The following SAFB2 variants were observed in gnomAD, a reference collection of about 807,000 sequenced individuals.
The protein encoded by SAFB2 is scaffold attachment factor B2.
In SAFB2, 32 loss-of-function variants were observed where a neutral mutation model predicts 100.6. The observed-to-expected ratio is 0.32, with a 90% CI of 0.24 to 0.43. The LOEUF is 0.43. SAFB2 is among the 20% of genes least tolerant of loss of function. The pLI, the probability that SAFB2 is intolerant of heterozygous loss-of-function variation, is 1.00. For synonymous variants in SAFB2, 500 were observed against 439.4 expected, an observed-to-expected ratio of 1.14 and a Z score of -1.72; for missense variants, 1,185 against 1,163.4, an observed-to-expected ratio of 1.02 and a Z score of -0.27.
intron 12 of SAFB2, 135 bp from the exon 13 acceptor site, chr19:5,599,019 C>G (rs2052595870): frequency 1.4e-6 from 1 of 721,254 alleles, no homozygotes; most frequent in South Asian, 1.6e-5. Context: ...CCTTGGGAGC[C>G]TCTAATTCTC....
rs916014736 is a variant in SAFB2, at chr19:5,621,363, T to G, written c.220A>C (p.Ile74Leu). The part of the protein sequence containing the change: ...VKEEGQDPDE[I>L]GIELEATSKK... ...CTGGTGGCTTCTAACTCGATGCCAA[T>G]TTCATCAGGATCTTGCCCCTCTTCT... The change falls in exon 2 of 21, where the codon ATT (isoleucine) becomes CTT (leucine). Residue 74 changes from isoleucine (I) to leucine (L), a missense_variant. Transcript: ENST00000252542. The G allele has an allele frequency of 1.2e-6, 2 of 1,613,846 alleles. No homozygotes were observed. The highest frequency in any genetic ancestry group is 3.3e-5 in the Admixed American group (2 of 60,028).
At chr19:5,606,571 G>A (rs1170670172) in intron 9 of SAFB2, among the ~76,000 whole-genome samples, 4 of 152,146 alleles carry the variant, frequency 2.6e-5, no homozygotes, top group African/African-American at 4.8e-5. Flanking sequence ...AGGCTGCAGT[G>A]AGCACCACTG....
At chr19:5,606,346 C>A (rs2052774640) in intron 9 of SAFB2, among the ~76,000 whole-genome samples, 1 of 152,242 alleles carries the variant, frequency 6.6e-6, no homozygotes, top group African/African-American at 2.4e-5. Flanking sequence ...CAGGCACAGG[C>A]TGGGCACAGT....
At chr19:5,592,520 G>C (rs2052432121) in intron 16 of SAFB2, among the ~76,000 whole-genome samples, 1 of 152,212 alleles carries the variant, frequency 6.6e-6, no homozygotes, top group African/African-American at 2.4e-5. Context: ...CCTATGAAAA[G>C]AGTCGGTGGA....
intron 13 of SAFB2, among the ~76,000 whole-genome samples, chr19:5,596,359 T>G (rs1170932909): frequency 6.6e-6 from 1 of 152,214 alleles, no homozygotes; most frequent in Non-Finnish European, 1.5e-5. Flanking sequence ...ATTTATTTTT[T>G]GTAGGTTTTT....
In SAFB2 at chr19:5,622,730, C is replaced by T. The variant is rs747267882; in HGVS notation, c.-15G>A. On this transcript the variant is annotated 5_prime_UTR_variant, in exon 1 of 21. Coordinates refer to ENST00000252542, the MANE Select transcript of SAFB2 (RefSeq NM_014649.3). ...GTCTCCGCCATCGTCGCGTTCCCGTCTTCGCCACCGACTCAGTCGCACACC... is the reference window on the plus strand; with the variant it reads ...GTCTCCGCCATCGTCGCGTTCCCGTTTTCGCCACCGACTCAGTCGCACACC... 33 of 1,592,586 alleles carry T rather than the reference C, an allele frequency of 2.1e-5. No individual in the cohort carries two copies. Among genetic ancestry groups the T allele is most frequent in the East Asian group, 1.1e-4 (5 of 44,090 alleles).
intron 9 of SAFB2, 67 bp downstream of exon 9, chr19:5,609,928 G>C: frequency 7.3e-7 from 1 of 1,369,242 alleles, no homozygotes; most frequent in Non-Finnish European, 1.0e-6. Context: ...GTGAACCACC[G>C]TGCCCAGCAG....
At chr19:5,605,525 C>T (rs114045371) in intron 9 of SAFB2, among the ~76,000 whole-genome samples, 2 of 152,300 alleles carry the variant, frequency 1.3e-5, no homozygotes, top group East Asian at 1.9e-4. Flanking sequence ...CCTACCCATC[C>T]ACATTGTTTT....
intron 6 of SAFB2, chr19:5,612,028 A>C: frequency 2.8e-6 from 1 of 359,044 alleles, no homozygotes; most frequent in South Asian, 2.5e-5. Context: ...TAACAGAACA[A>C]TCCAATATGA....
At chr19:5,590,201 G>T in intron 18 of SAFB2, 77 bp downstream of exon 18, 1 of 1,286,844 alleles carries the variant, frequency 7.8e-7, no homozygotes. Context: ...AAACCTTGGG[G>T]ACGTGCCTGG....
chr19:5,596,311 C>T (rs908660996), intron 13 of SAFB2, among the ~76,000 whole-genome samples: 1 of 152,080 alleles, frequency 6.6e-6, no homozygotes, highest in Non-Finnish European at 1.5e-5. Flanking sequence ...AAACAGTGCT[C>T]CTAATAAGGT....
At chr19:5,590,599 C>A (rs1384511483) in intron 17 of SAFB2, among the ~76,000 whole-genome samples, 191 bp from the exon 18 acceptor site, 1 of 152,176 alleles carries the variant, frequency 6.6e-6, no homozygotes, top group African/African-American at 2.4e-5. Context: ...CCTCCTCGCA[C>A]CCCTACAGCT....
chr19:5,600,304 G>T (rs746421058), intron 11 of SAFB2, 44 bp from the exon 12 acceptor site: 9 of 1,603,232 alleles, frequency 5.6e-6, no homozygotes, highest in African/African-American at 1.4e-5. Context: ...ACAAGACTCT[G>T]TAACAGGAAC....
chr19:5,607,910 C>A (rs1236156008), intron 9 of SAFB2, among the ~76,000 whole-genome samples: 1 of 152,246 alleles, frequency 6.6e-6, no homozygotes, highest in Non-Finnish European at 1.5e-5. Flanking sequence ...GCCAAAGGGA[C>A]AGAAGACTCT....
At chr19:5,618,224 T>TGGTGGCGGGCGC (rs1220327487) in intron 2 of SAFB2, among the ~76,000 whole-genome samples, 4 of 151,688 alleles carry the variant, frequency 2.6e-5, no homozygotes, top group African/African-American at 2.4e-5. Flanking sequence ...CAGCCGGACG[T>TGGTGGCGGGCGC]GGTGGCGGGC....
chr19:5,613,550 AC>A, intron 4 of SAFB2, 23 bp from the exon 5 acceptor site: 1 of 1,611,550 alleles, frequency 6.2e-7, no homozygotes, highest in Non-Finnish European at 8.5e-7. Context: ...ATGGAAGATG[AC>A]TTCGTGGAGG....
At chr19:5,602,657 G>A (rs895914240) in intron 11 of SAFB2, among the ~76,000 whole-genome samples, 2 of 152,000 alleles carry the variant, frequency 1.3e-5, no homozygotes, top group Non-Finnish European at 2.9e-5. Flanking sequence ...GTGCCTCACA[G>A]GGCTACTACA....
chr19:5,616,643 CTTTTTTTTTT>C (rs60033130), intron 2 of SAFB2, among the ~76,000 whole-genome samples, 157 bp from the exon 3 acceptor site: 124 of 72,804 alleles, frequency 1.7e-3, no homozygotes, highest in East Asian at 8.5e-3. Flanking sequence ...AATTTGTTTT[CTTTTTTTTTT>C]TTTTTTTTTT....
chr19:5,622,497 C>T (rs759510395), intron 1 of SAFB2, 33 bp downstream of exon 1: 1 of 1,536,014 alleles, frequency 6.5e-7, no homozygotes, highest in Non-Finnish European at 8.7e-7. Context: ...GCCCGGGCCT[C>T]CTGCGCCACC....
Sources: gnomAD v4.1 joint callset for allele counts (sites outside exome capture counted in the v4.1 genomes callset) on GRCh38, gnomAD v4.1.1 for gene constraint, MANE v1.5 for transcripts, NCBI Gene and HGNC (gene_info 2026-07-23, HGNC 2026-07-21) for gene names.